DDX50: variants seen among roughly 807,000 people sequenced by gnomAD.
DDX50 encodes DExD-box helicase 50, also known as ATP-dependent RNA helicase DDX50.
Under a neutral mutation model 94.8 loss-of-function variants are expected in DDX50, and 56 were observed. The observed-to-expected ratio is 0.59, with a 90% CI of 0.48 to 0.74. The LOEUF is 0.74. DDX50 is among the 30% of genes least tolerant of loss of function. The probability of loss-of-function intolerance (pLI) is 0.00; values close to 1 mark genes in which losing one functional copy is unlikely to be tolerated. For missense variants in DDX50, 713 were observed against 881.2 expected (o/e 0.81, Z 2.42); for synonymous variants, 264 against 295.4 (o/e 0.89, Z 1.09).
chr10:68,915,647 C>T (rs778139765), intron 7 of DDX50, among the ~76,000 whole-genome samples: 2 of 144,972 alleles, frequency 1.4e-5, no homozygotes, highest in Non-Finnish European at 3.0e-5. Flanking sequence ...ACCCGGGAGG[C>T]GGAGGTTGCA....
At chr10:68,927,715 C>T (rs183667224) in intron 8 of DDX50, among the ~76,000 whole-genome samples, 183 of 152,244 alleles carry the variant, frequency 1.2e-3, no homozygotes, top group Non-Finnish European at 2.3e-3. Context: ...CTTTGGGAGG[C>T]CAAGGCAGAA....
chr10:68,925,253 G>C (rs187832344), intron 8 of DDX50, among the ~76,000 whole-genome samples: 3 of 151,564 alleles, frequency 2.0e-5, no homozygotes, highest in African/African-American at 7.3e-5. Context: ...GCAGGCATGC[G>C]CCACCATGCC....
Position 68,906,888 on chromosome 10 carries a change from C to A in DDX50, c.265C>A (p.His89Asn). ...ACTTTCAGATGAATTCTCCAAATCT[C>A]ATAAGTCAAGAAGAAAAGATCTACC... is the stretch of plus-strand genomic sequence containing the variant. ...NRLSDEFSKS[H>N]KSRRKDLPNG... Residue 89 changes from histidine (H) to asparagine (N), a missense_variant, in exon 2 of 15, where the codon CAT becomes AAT. Around this residue, in one of 2 missense-constraint regions of DDX50, gnomAD observed 285 missense variants for 278.9 expected, o/e 1.02. Transcript: ENST00000373585. 6.2e-7 allele frequency: 1 copy of A among 1,610,662 alleles called. No individual in the cohort carries two copies. Among genetic ancestry groups the A allele is most frequent in the East Asian group, 2.2e-5 (1 of 44,808 alleles).
intron 13 of DDX50, among the ~76,000 whole-genome samples, chr10:68,942,269 AC>A (rs1458981234): frequency 2.0e-5 from 3 of 152,196 alleles, no homozygotes; most frequent in African/African-American, 7.2e-5. Context: ...TAATCTTGTG[AC>A]TGATTTCTTC....
chr10:68,930,700 A>C (rs1842241655), intron 8 of DDX50, among the ~76,000 whole-genome samples: 1 of 152,106 alleles, frequency 6.6e-6, no homozygotes, highest in Non-Finnish European at 1.5e-5. Flanking sequence ...TCTGTCCCCC[A>C]GCCTGGAGTA....
At position 68,914,052 on chromosome 10, in the gene DDX50, A is replaced by G. The variant is rs766203234; in HGVS notation, c.944-7A>G. 3 of 1,573,994 alleles carry G rather than the reference A, an allele frequency of 1.9e-6. No individual in the cohort carries two copies. In the East Asian group the frequency reaches 7.0e-5, roughly 36 times the overall value. On this transcript the variant is annotated splice_region_variant and splice_polypyrimidine_tract_variant and intron_variant, in intron 6 of 14. Transcript: ENST00000373585. Reference sequence around the variant, plus strand: ...GAAAACATTTGAATTCTTTTTGTTTATTTAAGATTCTGAAGACAATCCTCA... The same window carrying G: ...GAAAACATTTGAATTCTTTTTGTTTGTTTAAGATTCTGAAGACAATCCTCA...
Position 68,934,498 on chromosome 10 carries a change from A to G in DDX50, c.1401+138A>G, listed in dbSNP as rs1028950870. The G allele has an allele frequency of 2.0e-5, 24 of 1,207,002 alleles. No individual in the cohort carries two copies. In the East Asian group the frequency reaches 6.0e-4, roughly 30 times the overall value. The allele number at this position is 1,207,002 out of a possible 1,614,324, so 74.8% of individuals were successfully genotyped here. A position where few individuals can be genotyped will look rare whatever the true frequency, so the allele number is the denominator to read the frequency against. ...CCATTTTTTGTTAGTGTGCTATTAA[A>G]TTTATCAGATTCTGATACTTTTGCA... On this transcript the variant is annotated intron_variant, in intron 9 of 14. Coordinates refer to ENST00000373585, the MANE Select transcript of DDX50 (RefSeq NM_024045.2). This position sits in a 1 kb window ranked among gnomAD's most constrained non-coding sequence, Gnocchi z 4.0.
chr10:68,941,054 C>A lies in DDX50; in HGVS notation c.1756-6C>A. The A allele has an allele frequency of 1.2e-6, 2 of 1,602,974 alleles. No individual in the cohort carries two copies. The highest frequency in any genetic ancestry group is 1.7e-6 in the Non-Finnish European group (2 of 1,177,496). On this transcript the variant is annotated splice_region_variant and splice_polypyrimidine_tract_variant and intron_variant, in intron 12 of 14. Coordinates refer to ENST00000373585, the MANE Select transcript of DDX50 (RefSeq NM_024045.2). ...TCCAAACATAATGTGGTTTTTATTC[C>A]TTAAGGGGTTTGTGACCATGACTCT... is the stretch of plus-strand genomic sequence containing the variant.
chr10:68,902,298 C>T (rs1013185006), intron 1 of DDX50, among the ~76,000 whole-genome samples: 2 of 151,518 alleles, frequency 1.3e-5, no homozygotes, highest in African/African-American at 4.9e-5. Context: ...AGACATTTGA[C>T]CTGGAAAAAA....
chr10:68,906,442 G>A (rs1466770915), intron 1 of DDX50: 2 of 314,176 alleles, frequency 6.4e-6, no homozygotes, highest in Non-Finnish European at 1.2e-5. Flanking sequence ...TCCCTGAGGA[G>A]AAACCGTTTT....
At chr10:68,917,855 C>T (rs986810324) in intron 7 of DDX50, among the ~76,000 whole-genome samples, 2 of 152,072 alleles carry the variant, frequency 1.3e-5, no homozygotes, top group East Asian at 1.9e-4. Context: ...CACCTGCCTC[C>T]GGCTCCCAAA....
chr10:68,939,670 C>CGAGGA (rs1373035186), intron 12 of DDX50, among the ~76,000 whole-genome samples: 3 of 152,146 alleles, frequency 2.0e-5, no homozygotes, highest in Non-Finnish European at 4.4e-5. Flanking sequence ...GTTGCTTCCT[C>CGAGGA]CTTTACTTCA....
rs183864562 is a variant in DDX50, at chr10:68,918,670, G to A, written c.1090-1162G>A. Reference sequence around the variant, plus strand: ...TCGAACTCCTGACCTCAGGTGATCCGCTGGCCTTGGCCTCCCAAAGTGCTG... The same window carrying A: ...TCGAACTCCTGACCTCAGGTGATCCACTGGCCTTGGCCTCCCAAAGTGCTG... On this transcript the variant is annotated intron_variant, in intron 7 of 14. Transcript: ENST00000373585. 5.9e-3 allele frequency among the ~76,000 whole-genome samples: 899 copies of A among 151,730 alleles called. 8 individuals are homozygous for A. Among genetic ancestry groups the A allele is most frequent in the African/African-American group, 0.021 (861 of 41,370 alleles).
chr10:68,929,302 T>TTCCTTC (rs1564612641), intron 8 of DDX50, among the ~76,000 whole-genome samples: 1 of 145,210 alleles, frequency 6.9e-6, no homozygotes, highest in African/African-American at 2.8e-5. Context: ...CCTCTCTCTC[T>TTCCTTC]CTCTCTCTCT....
chr10:68,930,907 C>A (rs2132050530), intron 8 of DDX50, among the ~76,000 whole-genome samples: 1 of 152,294 alleles, frequency 6.6e-6, no homozygotes, highest in East Asian at 1.9e-4. Context: ...CCGCTTTGGC[C>A]TCCCAAAGTG....
chr10:68,942,492 A>C (rs1036394399), intron 13 of DDX50, among the ~76,000 whole-genome samples: 1 of 152,232 alleles, frequency 6.6e-6, no homozygotes, highest in Non-Finnish European at 1.5e-5. Flanking sequence ...AAATAGCAAG[A>C]TCCATAGGCC....
intron 1 of DDX50, among the ~76,000 whole-genome samples, chr10:68,905,140 T>C (rs1416343069): frequency 6.6e-6 from 1 of 152,178 alleles, no homozygotes; most frequent in Non-Finnish European, 1.5e-5. Context: ...GGTCTTGAAC[T>C]CCTGACCTCA....
intron 8 of DDX50, among the ~76,000 whole-genome samples, chr10:68,925,469 C>T (rs1009730491): frequency 5.3e-5 from 8 of 152,084 alleles, no homozygotes; most frequent in Admixed American, 3.3e-4. Flanking sequence ...CATGTGTCAT[C>T]TGTGGATTTT....
chr10:68,934,163 G>A lies in DDX50; in HGVS notation c.1240-36G>A, dbSNP rs1842345747. On this transcript the variant is annotated intron_variant, in intron 8 of 14. Coordinates refer to ENST00000373585, the MANE Select transcript of DDX50 (RefSeq NM_024045.2). This position sits in a 1 kb window ranked among gnomAD's most constrained non-coding sequence, Gnocchi z 4.0. ...GTTGTGCTATCAGTTGCAAGTATGA[G>A]CTGTACACTTAATTTTCTCCCCCTT... 6.2e-7 allele frequency: 1 copy of A among 1,601,488 alleles called. No homozygotes were observed. The highest frequency in any genetic ancestry group is 1.1e-5 in the South Asian group (1 of 89,946).
Sources: allele counts gnomAD v4.1 joint callset (sites outside exome capture counted in the v4.1 genomes callset), GRCh38; gene constraint gnomAD v4.1.1; regional missense constraint gnomAD v4.1.1; non-coding constraint Gnocchi (gnomAD v3.1); transcripts MANE v1.5; gene names NCBI Gene and HGNC (gene_info 2026-07-23, HGNC 2026-07-21).